PROS1: variants seen among roughly 807,000 people sequenced by gnomAD.
PROS1 encodes the protein vitamin K-dependent protein S.
A neutral mutation model predicts 75.9 loss-of-function variants in PROS1; 29 were observed. That is an observed-to-expected ratio of 0.38 (90% CI 0.28 to 0.52). The LOEUF (loss-of-function observed/expected upper bound fraction) is 0.52, where lower values mean the gene tolerates loss of function less well. Among genes scored for constraint, PROS1 ranks in the 20% least tolerant of loss-of-function variants. PROS1 has a pLI of 0.83. For missense variants in PROS1, 680 were observed against 810.3 expected (o/e 0.84, Z 1.95); for synonymous variants, 245 against 280.6 (o/e 0.87, Z 1.27).
chr3:93,962,347 A>G (rs1709719686), intron 1 of PROS1, among the ~76,000 whole-genome samples: 2 of 152,184 alleles, frequency 1.3e-5, no homozygotes, highest in Non-Finnish European at 2.9e-5. Flanking sequence ...TTCAACCACA[A>G]TAAAAATAAA....
chr3:93,882,358 C>G (rs1708284970), intron 12 of PROS1, among the ~76,000 whole-genome samples: 1 of 152,030 alleles, frequency 6.6e-6, no homozygotes, highest in South Asian at 2.1e-4. Context: ...GGTTAAAAAC[C>G]TAGGGTCAGT....
intron 7 of PROS1, 65 bp downstream of exon 7, chr3:93,900,739 A>T: frequency 6.2e-7 from 1 of 1,600,908 alleles, no homozygotes; most frequent in Non-Finnish European, 8.5e-7. Context: ...CAATGCTTTT[A>T]AATATCAGTT....
intron 1 of PROS1, among the ~76,000 whole-genome samples, chr3:93,931,888 T>C (rs1307972494): frequency 6.6e-6 from 1 of 152,234 alleles, no homozygotes; most frequent in African/African-American, 2.4e-5. Flanking sequence ...GTAAAAGAAA[T>C]TATGTGGTTG....
intron 1 of PROS1, among the ~76,000 whole-genome samples, chr3:93,931,618 G>A (rs1405913758): frequency 6.6e-6 from 1 of 152,148 alleles, no homozygotes; most frequent in Non-Finnish European, 1.5e-5. Flanking sequence ...TTTATCTCCA[G>A]CTTTCACACT....
chr3:93,970,976 TC>T (rs954208946), intron 1 of PROS1, among the ~76,000 whole-genome samples: 1 of 152,046 alleles, frequency 6.6e-6, no homozygotes, highest in African/African-American at 2.4e-5. Context: ...GCCACTGCAC[TC>T]CGGTCTGGGC....
chr3:93,893,520 G>GT lies in PROS1; in HGVS notation c.966-399dup, dbSNP rs903517142. Among the ~76,000 whole-genome samples, 4 of 151,950 alleles carry GT rather than the reference G, an allele frequency of 2.6e-5. No homozygotes were observed. The East Asian group carries it at 5.8e-4, about 22-fold the overall frequency. On this transcript the variant is annotated intron_variant, in intron 9 of 14. Coordinates refer to ENST00000394236, the MANE Select transcript of PROS1 (RefSeq NM_000313.4). ...TATAATCTGACATTAAGAAGTGGTAGTTTTTTTTGTTGTTGTTCTTTTTTG... is the reference window on the plus strand; with the variant it reads ...TATAATCTGACATTAAGAAGTGGTAGTTTTTTTTTGTTGTTGTTCTTTTTTG...
intron 1 of PROS1, among the ~76,000 whole-genome samples, chr3:93,960,269 TG>T (rs1211448679): frequency 6.6e-6 from 1 of 151,434 alleles, no homozygotes; most frequent in Admixed American, 6.6e-5. Flanking sequence ...CTCAGCCTCC[TG>T]GGTTCACGCC....
intron 9 of PROS1, among the ~76,000 whole-genome samples, chr3:93,895,274 A>G (rs1195251081): frequency 3.3e-5 from 5 of 152,220 alleles, no homozygotes; most frequent in Non-Finnish European, 5.9e-5. Context: ...TGGAGGATCA[A>G]TTGTATTCCT....
At chr3:93,899,414 T>C (rs1708551995) in intron 7 of PROS1, among the ~76,000 whole-genome samples, 1 of 152,144 alleles carries the variant, frequency 6.6e-6, no homozygotes, top group South Asian at 2.1e-4. Context: ...TTCCCAAAAT[T>C]AATAATCCTT....
chr3:93,900,085 TA>T (rs1708566819), intron 7 of PROS1, among the ~76,000 whole-genome samples: 1 of 152,146 alleles, frequency 6.6e-6, no homozygotes, highest in Non-Finnish European at 1.5e-5. Flanking sequence ...TTTAAAATTT[TA>T]AAAAATCGAA....
At chr3:93,920,053 T>G (rs1163206063) in intron 3 of PROS1, among the ~76,000 whole-genome samples, 14 of 152,254 alleles carry the variant, frequency 9.2e-5, no homozygotes, top group African/African-American at 2.9e-4. Flanking sequence ...TAAAATGAGT[T>G]TACTGAGTTT....
chr3:93,895,450 A>G (rs1269885565), intron 9 of PROS1, among the ~76,000 whole-genome samples: 1 of 152,188 alleles, frequency 6.6e-6, no homozygotes, highest in African/African-American at 2.4e-5. Flanking sequence ...ACTGTTACTT[A>G]AGTATTTATG....
intron 2 of PROS1, among the ~76,000 whole-genome samples, chr3:93,926,597 A>C (rs1709020840): frequency 6.6e-6 from 1 of 152,362 alleles, no homozygotes; most frequent in East Asian, 1.9e-4. Flanking sequence ...GCACCACTGC[A>C]CTCTAGCCTG....
At chr3:93,965,832 T>C (rs1709780302) in intron 1 of PROS1, among the ~76,000 whole-genome samples, 1 of 152,132 alleles carries the variant, frequency 6.6e-6, no homozygotes. Flanking sequence ...GTAGCTGGAA[T>C]TACAGGTGGG....
chr3:93,970,723 ATTAG>A (rs1306263173), intron 1 of PROS1, among the ~76,000 whole-genome samples: 21 of 152,154 alleles, frequency 1.4e-4, no homozygotes, highest in African/African-American at 4.8e-4. Flanking sequence ...ATTCTGGAAA[ATTAG>A]TTAATATCTC....
intron 2 of PROS1, among the ~76,000 whole-genome samples, chr3:93,926,102 T>C (rs1006730973): frequency 6.6e-6 from 1 of 152,064 alleles, no homozygotes; most frequent in Non-Finnish European, 1.5e-5. Flanking sequence ...ATATGGTATC[T>C]TGGGCAGACA....
chr3:93,895,120 C>T (rs745492807), intron 9 of PROS1, among the ~76,000 whole-genome samples: 3 of 152,086 alleles, frequency 2.0e-5, no homozygotes, highest in Non-Finnish European at 2.9e-5. Context: ...GTATAATACT[C>T]AATACAATGC....
chr3:93,881,005 A>T (rs1346571920), intron 12 of PROS1, among the ~76,000 whole-genome samples: 4 of 152,154 alleles, frequency 2.6e-5, no homozygotes. Flanking sequence ...AAGGGAAATC[A>T]TTTTTGTAAA....
rs553744491 is a variant in PROS1 at position 93,919,120 on chromosome 3, C to A, written c.259+5120G>T. On this transcript the variant is annotated intron_variant, in intron 3 of 14. Coordinates refer to ENST00000394236, the MANE Select transcript of PROS1 (RefSeq NM_000313.4). ...AATTACCTCCAACTTTCTACCTCTACAAGAAGGCGGAAAGTACATCCTCAT... is the reference window on the plus strand; with the variant it reads ...AATTACCTCCAACTTTCTACCTCTAAAAGAAGGCGGAAAGTACATCCTCAT... 2.0e-5 allele frequency among the ~76,000 whole-genome samples: 3 copies of A among 152,292 alleles called. No homozygotes were observed. In the South Asian group the frequency reaches 6.2e-4, roughly 32 times the overall value.
Sources: gnomAD v4.1 joint callset for allele counts (sites outside exome capture counted in the v4.1 genomes callset) on GRCh38, gnomAD v4.1.1 for gene constraint, MANE v1.5 for transcripts, NCBI Gene and HGNC (gene_info 2026-07-23, HGNC 2026-07-21) for gene names.